GRM4: variants seen among roughly 807,000 people sequenced by gnomAD.
The protein encoded by GRM4 is metabotropic glutamate receptor 4.
In GRM4, 28 loss-of-function variants were observed where a neutral mutation model predicts 81.7. The observed-to-expected ratio is 0.34, with a 90% confidence interval of 0.25 to 0.47. GRM4 has a LOEUF of 0.47. GRM4 is among the 20% of genes least tolerant of loss of function. The pLI is 1.00. For synonymous variants in GRM4, 488 were observed against 528.8 expected, an observed-to-expected ratio of 0.92 and a Z score of 1.06; for missense variants, 948 against 1,290.0, an observed-to-expected ratio of 0.73 and a Z score of 4.06.
intron 10 of GRM4, among the ~76,000 whole-genome samples, chr6:34,023,279 AC>A (rs981340931): frequency 1.3e-5 from 2 of 152,168 alleles, no homozygotes; most frequent in African/African-American, 4.8e-5. Context: ...TTCAAAAGAA[AC>A]CTTTTTTTAT....
intron 2 of GRM4, among the ~76,000 whole-genome samples, chr6:34,112,272 G>A (rs1039104807): frequency 2.6e-5 from 4 of 152,016 alleles, no homozygotes; most frequent in African/African-American, 7.3e-5. Flanking sequence ...CCTCTCCCCC[G>A]CCCCAGGGAG....
chr6:34,081,504 A>G (rs898028473), intron 3 of GRM4, among the ~76,000 whole-genome samples: 1 of 152,274 alleles, frequency 6.6e-6, no homozygotes, highest in Non-Finnish European at 1.5e-5. Context: ...ATCAAGGCAG[A>G]AATGTCCGCA....
At position 34,069,322 on chromosome 6, in the gene GRM4, C is replaced by T. The variant is rs1439103475; in HGVS notation, c.737-7294G>A. 6.6e-6 allele frequency among the ~76,000 whole-genome samples: 1 copy of T among 152,184 alleles called. No individual in the cohort carries two copies. The highest frequency in any genetic ancestry group is 1.5e-5 in the Non-Finnish European group (1 of 68,042). On this transcript the variant is annotated intron_variant, in intron 3 of 10. Coordinates refer to ENST00000538487, the MANE Select transcript of GRM4 (RefSeq NM_000841.4). The surrounding 1 kb of genome is among the most constrained non-coding windows in gnomAD (Gnocchi z 6.4). ...AGGGCTTGGTGACTGGTGACTGCTA[C>T]TTTTATTTTCAGCTGGGGGCGAAGC...
upstream of GRM4, among the ~76,000 whole-genome samples, chr6:34,150,082 G>T (rs1771015041): frequency 6.6e-6 from 1 of 152,108 alleles, no homozygotes; most frequent in Non-Finnish European, 1.5e-5. Flanking sequence ...AAAAGACCTG[G>T]CCCCAAGGGT....
intron 9 of GRM4, among the ~76,000 whole-genome samples, chr6:34,029,680 C>A (rs1764317693): frequency 6.6e-6 from 1 of 152,208 alleles, no homozygotes; most frequent in African/African-American, 2.4e-5. Context: ...GCTACCTCAC[C>A]CAAACCATGA....
At chr6:34,087,799 TACACACACACACACACAC>T (rs71000022) in intron 3 of GRM4, among the ~76,000 whole-genome samples, 9 of 88,338 alleles carry the variant, frequency 1.0e-4, no homozygotes, top group Non-Finnish European at 1.7e-4. Context: ...CATGCACCCC[TACACACACACACACACAC>T]ACACACACAC....
chr6:34,133,385 G>C lies in GRM4; in HGVS notation c.112C>G (p.Pro38Ala). The C allele has an allele frequency of 1.9e-6, 3 of 1,613,862 alleles. No individual in the cohort carries two copies. Among genetic ancestry groups the C allele is most frequent in the South Asian group, 1.1e-5 (1 of 91,068 alleles). The change falls in exon 2 of 11, where the codon CCT becomes GCT. Residue 38 changes from proline to alanine, a missense_variant. Pro to Ala is a conservative substitution (Grantham distance 27). Coordinates refer to ENST00000538487, the MANE Select transcript of GRM4 (RefSeq NM_000841.4). This position sits in a 1 kb window ranked among gnomAD's most constrained non-coding sequence, Gnocchi z 6.5. ...TCTATGCGGATGGAATTCATGTGAG[G>C]GTGGCCTTTGGGCTTTCCCAGGGAG... is the stretch of plus-strand genomic sequence containing the variant. ...PSSLGKPKGHPHMNSIRIDGD... is the reference protein window; with the variant it reads ...PSSLGKPKGHAHMNSIRIDGD...
intron 3 of GRM4, among the ~76,000 whole-genome samples, chr6:34,081,771 G>A (rs968557670): frequency 2.6e-5 from 4 of 152,214 alleles, no homozygotes; most frequent in South Asian, 2.1e-4. Context: ...GGTTCACAGC[G>A]TCCCTCCAGG....
chr6:34,071,259 TACAC>T (rs1182677954), intron 3 of GRM4, among the ~76,000 whole-genome samples: 1 of 126,520 alleles, frequency 7.9e-6, no homozygotes, highest in African/African-American at 3.1e-5. Context: ...ACCACACACA[TACAC>T]ACACATCACC....
intron 3 of GRM4, among the ~76,000 whole-genome samples, chr6:34,072,967 A>G (rs531197116): frequency 1.1e-5 from 1 of 91,876 alleles, no homozygotes; most frequent in Non-Finnish European, 2.2e-5. Context: ...CACATGCATC[A>G]CCACACAGAT....
intron 2 of GRM4, among the ~76,000 whole-genome samples, chr6:34,112,029 G>T (rs552076759): frequency 3.9e-5 from 6 of 152,152 alleles, no homozygotes; most frequent in Non-Finnish European, 7.3e-5. Flanking sequence ...TAGTGGAAGG[G>T]GGGGACATGA....
In GRM4 at chr6:34,144,126, C is replaced by G. The variant is rs183951159; in HGVS notation, c.-364+1874G>C. On this transcript the variant is annotated intron_variant, in intron 1 of 10. Transcript: ENST00000538487. ...GACTGAAAGTCTGAGGGCGGGATGT[C>G]ACTCAAGGCCTAGGGGCAGGGGGCG... 2.1e-4 allele frequency among the ~76,000 whole-genome samples: 32 copies of G among 152,366 alleles called. 1 individual carries two copies. Among genetic ancestry groups the G allele is most frequent in the South Asian group, 1.9e-3 (9 of 4,832 alleles).
Position 34,133,700 on chromosome 6 carries a change from C to G in GRM4, c.-204G>C. ...CAGTTGCCCGCACAGTCCAGGCCCA[C>G]AGACAGCAGGCAGTGGCCGGGGTTG... On this transcript the variant is annotated 5_prime_UTR_variant, in exon 2 of 11. Coordinates refer to ENST00000538487, the MANE Select transcript of GRM4 (RefSeq NM_000841.4). This position sits in a 1 kb window ranked among gnomAD's most constrained non-coding sequence, Gnocchi z 6.5. The G allele has an allele frequency of 7.6e-7, 1 of 1,319,538 alleles. No individual in the cohort carries two copies. Among genetic ancestry groups the G allele is most frequent in the Non-Finnish European group, 9.6e-7 (1 of 1,040,276 alleles). The allele number at this position is 1,319,538 out of a possible 1,614,324, so 81.7% of individuals were successfully genotyped here. A position where few individuals can be genotyped will look rare whatever the true frequency, so the allele number is the denominator to read the frequency against.
intron 2 of GRM4, among the ~76,000 whole-genome samples, chr6:34,102,788 A>G (rs1211805266): frequency 6.6e-6 from 1 of 152,170 alleles, no homozygotes; most frequent in African/African-American, 2.4e-5. Context: ...CCTTCTGCAC[A>G]GCCCGCCCAT....
chr6:34,071,479 C>G (rs371037870), intron 3 of GRM4, among the ~76,000 whole-genome samples: 4 of 66,266 alleles, frequency 6.0e-5, no homozygotes, highest in Non-Finnish European at 1.2e-4. Flanking sequence ...ACACCACAAA[C>G]ACACACACAT....
upstream of GRM4, among the ~76,000 whole-genome samples, chr6:34,146,970 C>T (rs1770949135): frequency 1.3e-5 from 2 of 152,126 alleles, no homozygotes; most frequent in South Asian, 4.1e-4. Context: ...TCCTCCAGAT[C>T]TCCAGACTAT....
rs1770154887 is a variant in GRM4 at position 34,129,519 on chromosome 6, CCT to C, written c.519+3457_519+3458del. On this transcript the variant is annotated intron_variant, in intron 2 of 10. Coordinates refer to ENST00000538487, the MANE Select transcript of GRM4 (RefSeq NM_000841.4). ...GGTATTCTTCACACCCATCAGCACC[CCT>C]GTCCTGAAAGAATGGGACAAATTGC... 1.3e-5 allele frequency among the ~76,000 whole-genome samples: 2 copies of C among 152,208 alleles called. 1 individual carries two copies. The highest frequency in any genetic ancestry group is 4.1e-4 in the South Asian group (2 of 4,834).
intron 6 of GRM4, among the ~76,000 whole-genome samples, chr6:34,044,511 C>G (rs951735320): frequency 2.0e-5 from 3 of 151,332 alleles, no homozygotes; most frequent in East Asian, 1.9e-4. Context: ...CACATACACA[C>G]ACAGACATAC....
At chr6:34,097,210 C>A (rs1221317691) in intron 2 of GRM4, among the ~76,000 whole-genome samples, 1 of 152,136 alleles carries the variant, frequency 6.6e-6, no homozygotes, top group Non-Finnish European at 1.5e-5. Flanking sequence ...AGGAAAGGAA[C>A]AGGGGAGTGT....
Sources: allele counts gnomAD v4.1 joint callset (sites outside exome capture counted in the v4.1 genomes callset), GRCh38; gene constraint gnomAD v4.1.1; non-coding constraint Gnocchi (gnomAD v3.1); transcripts MANE v1.5; gene names NCBI Gene and HGNC (gene_info 2026-07-23, HGNC 2026-07-21).